Variants in MTERF4 observed in about 807,000 individuals in gnomAD.
The protein encoded by MTERF4 is transcription termination factor 4, mitochondrial.
MTERF4 carries 17 observed loss-of-function variants against 22.5 expected under a neutral mutation model. The observed-to-expected ratio is 0.75, with a 90% CI of 0.52 to 1.13. MTERF4 has a LOEUF of 1.13. Among genes scored for constraint, MTERF4 ranks in the 50% most tolerant of loss-of-function variants. The pLI is 0.00. For synonymous variants in MTERF4, 165 were observed against 175.3 expected, an observed-to-expected ratio of 0.94 and a Z score of 0.47; for missense variants, 420 against 466.8, an observed-to-expected ratio of 0.90 and a Z score of 0.92.
At chr2:241,074,729 T>A (rs1011835958) in exon 5 of MTERF4, 1 of 152,202 alleles carries the variant, frequency 6.6e-6, no homozygotes, top group Non-Finnish European at 1.5e-5. Flanking sequence ...CCAGTCATGA[T>A]CTTTGGTTCA....
intron 4 of MTERF4, among the ~76,000 whole-genome samples, chr2:241,079,873 C>T (rs6437234): frequency 0.33 from 50,195 of 151,970 alleles, 12,223 homozygotes; most frequent in African/African-American, 0.67. Flanking sequence ...GTAGTAATAC[C>T]TGAATTGTTA....
At chr2:241,042,967 G>A in the MTERF4 span, among the ~76,000 whole-genome samples, 2 of 151,964 alleles carry the variant, frequency 1.3e-5, no homozygotes, top group African/African-American at 4.8e-5. Context: ...AGTCTGTGAA[G>A]GAGGATGAAG....
the MTERF4 span, among the ~76,000 whole-genome samples, chr2:241,065,907 T>G: frequency 1.6e-5 from 2 of 128,202 alleles, no homozygotes. Flanking sequence ...CCCAAAAGGG[T>G]CCCTAGAAGG....
chr2:241,042,955 G>T, the MTERF4 span, among the ~76,000 whole-genome samples: 1 of 152,034 alleles, frequency 6.6e-6, no homozygotes, highest in South Asian at 2.1e-4. Context: ...CCACGTATTT[G>T]GAGTCTGTGA....
chr2:241,058,513 A>G, the MTERF4 span, among the ~76,000 whole-genome samples: 1 of 152,206 alleles, frequency 6.6e-6, no homozygotes, highest in African/African-American at 2.4e-5. Context: ...TGAAAAGCCT[A>G]ATGTAACATG....
downstream of MTERF4, chr2:241,068,783 C>CTG (rs1300496496): frequency 1.5e-6 from 1 of 657,784 alleles, no homozygotes; most frequent in Non-Finnish European, 2.7e-6. This position sits in a 1 kb window ranked among gnomAD's most constrained non-coding sequence, Gnocchi z 5.3. Context: ...GTGGAGGTTG[C>CTG]CTGGGCCACC....
downstream of MTERF4, chr2:241,089,869 C>A: frequency 6.8e-7 from 1 of 1,469,426 alleles, no homozygotes. Flanking sequence ...CTACACACCA[C>A]AGCGTGTTAC....
At chr2:241,070,897 G>A (rs879442326), downstream of MTERF4, among the ~76,000 whole-genome samples, 1 of 152,232 alleles carries the variant, frequency 6.6e-6, no homozygotes, top group East Asian at 1.9e-4. Context: ...CCCCAGGGAA[G>A]AGAGGGCTCT....
At position 241,099,677 on chromosome 2, in the gene MTERF4, T is replaced by A; in HGVS notation, c.239A>T (p.Lys80Met). 1.2e-6 allele frequency: 2 copies of A among 1,614,164 alleles called. No individual in the cohort carries two copies. The highest frequency in any genetic ancestry group is 1.7e-6 in the Non-Finnish European group (2 of 1,180,020). ...RRNLVQCLLEKQGTPVVQGSL... is the reference protein window; with the variant it reads ...RRNLVQCLLEMQGTPVVQGSL... ...CCCTTGTACCACAGGAGTCCCCTGCTTCTCAAGGAGGCACTGAACAAGATT... is the reference window on the plus strand; with the variant it reads ...CCCTTGTACCACAGGAGTCCCCTGCATCTCAAGGAGGCACTGAACAAGATT... Residue 80 changes from lysine (K) to methionine (M), a missense_variant, in exon 2 of 4, where the codon AAG (lysine) becomes ATG (methionine). By Grantham distance (95) the Lys-to-Met change is moderately conservative. Coordinates refer to ENST00000391980, the MANE Select transcript of MTERF4 (RefSeq NM_182501.4).
downstream of MTERF4, among the ~76,000 whole-genome samples, chr2:241,084,126 C>G (rs368956581): frequency 7.1e-6 from 1 of 140,662 alleles, no homozygotes; most frequent in East Asian, 2.1e-4. Context: ...ATGATGGCAG[C>G]GTCTAGGATT....
chr2:241,051,637 A>G, the MTERF4 span: 2 of 887,204 alleles, frequency 2.3e-6, no homozygotes, highest in Non-Finnish European at 3.3e-6. This position sits in a 1 kb window ranked among gnomAD's most constrained non-coding sequence, Gnocchi z 4.7. Flanking sequence ...CTTCGTCGAG[A>G]AGGCCCCACC....
chr2:241,081,577 C>T (rs2063331131), intron 4 of MTERF4: 6 of 836,030 alleles, frequency 7.2e-6, no homozygotes, highest in African/African-American at 2.3e-5. Flanking sequence ...AGTGCACGGC[C>T]ACCCTGCATC....
At position 241,099,656 on chromosome 2, in the gene MTERF4, T is replaced by G. The variant is rs780972313; in HGVS notation, c.260A>C (p.Gln87Pro). The G allele has an allele frequency of 6.2e-7, 1 of 1,614,198 alleles. No homozygotes were observed. The highest frequency in any genetic ancestry group is 1.1e-5 in the South Asian group (1 of 91,082). ...GACCCTCTCTAGCTCCAAGGACCCT[T>G]GTACCACAGGAGTCCCCTGCTTCTC... ...LLEKQGTPVV[Q>P]GSLELERVMS... The change falls in exon 2 of 4, where the codon CAA (glutamine) becomes CCA (proline). Residue 87 changes from glutamine (Q) to proline (P), a missense_variant. Physicochemically the swap from Gln to Pro is moderately conservative, Grantham distance 76. Transcript: ENST00000391980.
chr2:241,085,061 GT>G (rs908315249), downstream of MTERF4, among the ~76,000 whole-genome samples: 2 of 151,856 alleles, frequency 1.3e-5, no homozygotes, highest in Non-Finnish European at 2.9e-5. Flanking sequence ...CTTTATGACT[GT>G]TTTTGGACAA....
chr2:241,069,050 A>C (rs748734675), downstream of MTERF4: 6 of 1,474,190 alleles, frequency 4.1e-6, no homozygotes, highest in South Asian at 7.4e-5. This position sits in a 1 kb window ranked among gnomAD's most constrained non-coding sequence, Gnocchi z 4.9. Context: ...GGCCCCCGGC[A>C]CACGAAAGGC....
intron 4 of MTERF4, among the ~76,000 whole-genome samples, chr2:241,078,400 A>G (rs2063150617): frequency 6.8e-6 from 1 of 146,600 alleles, no homozygotes; most frequent in Non-Finnish European, 1.5e-5. Flanking sequence ...AAAAAAAAAG[A>G]AAGAAAGAAA....
intron 3 of MTERF4, 21 bp downstream of exon 3, chr2:241,097,222 C>A: frequency 6.2e-7 from 1 of 1,611,772 alleles, no homozygotes; most frequent in African/African-American, 1.3e-5. Flanking sequence ...CTACGCTAAT[C>A]ACGCTATCAG....
chr2:241,063,263 T>G, the MTERF4 span: 1 of 488,278 alleles, frequency 2.0e-6, no homozygotes, highest in Non-Finnish European at 3.8e-6. Flanking sequence ...TCGCTAGGGC[T>G]CTAAGCCTGA....
At chr2:241,059,509 T>G in the MTERF4 span, among the ~76,000 whole-genome samples, 9 of 152,170 alleles carry the variant, frequency 5.9e-5, no homozygotes, top group African/African-American at 2.2e-4. Context: ...CTGGTATCTC[T>G]CAAGAACATA....
Sources: allele counts gnomAD v4.1 joint callset (sites outside exome capture counted in the v4.1 genomes callset), GRCh38; gene constraint gnomAD v4.1.1; non-coding constraint Gnocchi (gnomAD v3.1); transcripts MANE v1.5; gene names NCBI Gene and HGNC (gene_info 2026-07-23, HGNC 2026-07-21).